The following PRH1 variants were observed in gnomAD, a reference collection of about 807,000 sequenced individuals.
PRH1 encodes salivary acidic proline-rich phosphoprotein 1/2.
A neutral mutation model predicts 7.9 loss-of-function variants in PRH1; 7 were observed. The ratio of observed to expected loss-of-function variants is 0.89; its 90% confidence interval spans 0.50 to 1.67. The LOEUF is 1.67. Ranked by LOEUF, PRH1 falls within the 40% of genes most tolerant of loss-of-function variation. PRH1 has a pLI of 0.00. For missense variants in PRH1, 109 were observed against 223.6 expected (o/e 0.49, Z 3.27); for synonymous variants, 45 against 80.8 (o/e 0.56, Z 2.38).
chr12:11,074,609 G>A (rs1257003864), intron 1 of PRH1, among the ~76,000 whole-genome samples: 1 of 115,714 alleles, frequency 8.6e-6, no homozygotes, highest in East Asian at 2.1e-4. Flanking sequence ...TAAGTAGAAA[G>A]TGGGAAACAT....
At chr12:10,966,785 A>G (rs887469817) in intron 2 of PRH1, among the ~76,000 whole-genome samples, 5 of 152,180 alleles carry the variant, frequency 3.3e-5, no homozygotes, top group African/African-American at 1.2e-4. Flanking sequence ...AGAAAAATAG[A>G]TAAGGAATGG....
At chr12:11,041,185 A>C (rs969287636) in intron 1 of PRH1, among the ~76,000 whole-genome samples, 2 of 151,526 alleles carry the variant, frequency 1.3e-5, no homozygotes, top group African/African-American at 2.4e-5. Context: ...CAAAACAAAA[A>C]AAAACTCCAA....
intron 1 of PRH1, among the ~76,000 whole-genome samples, chr12:11,164,542 T>A (rs1947515834): frequency 1.3e-5 from 2 of 152,226 alleles, no homozygotes; most frequent in Admixed American, 6.5e-5. Flanking sequence ...GCATAGAGGA[T>A]GCAAGTAGCT....
chr12:10,925,874 A>G (rs1055430963), intron 2 of PRH1, among the ~76,000 whole-genome samples: 3 of 152,194 alleles, frequency 2.0e-5, no homozygotes, highest in African/African-American at 7.2e-5. Flanking sequence ...TAATACCTTT[A>G]TAAGAACATT....
rs79582942 is a variant in PRH1 at position 11,056,873 on chromosome 12, C to T, written n.124-9685G>A. Among the ~76,000 whole-genome samples, 42 of 87,886 alleles carry T rather than the reference C, an allele frequency of 4.8e-4. No individual in the cohort carries two copies. The South Asian group carries it at 0.016, about 33-fold the overall frequency. 57.7% of individuals were successfully genotyped at this position (87,886 alleles called of 152,430 possible). A position where few individuals can be genotyped will look rare whatever the true frequency, so the allele number is the denominator to read the frequency against. Reference sequence around the variant, plus strand: ...AATAAATCTGTCTTTGGCTAGTTTTCTTATGAGTTAACATACTATTTGTAT... The same window carrying T: ...AATAAATCTGTCTTTGGCTAGTTTTTTTATGAGTTAACATACTATTTGTAT... On this transcript the variant is annotated intron_variant and non_coding_transcript_variant, in intron 1 of 4. Coordinates refer to the PRH1 transcript ENST00000541977.
At chr12:11,171,247 C>A in intron 1 of PRH1, 1 of 690,786 alleles carries the variant, frequency 1.4e-6, no homozygotes, top group Non-Finnish European at 2.0e-6. Context: ...GGGTGTGAGC[C>A]CGGGAGCCGC....
At chr12:11,091,282 A>G in intron 1 of PRH1, 3 of 1,183,020 alleles carry the variant, frequency 2.5e-6, no homozygotes, top group Middle Eastern at 3.8e-4. Context: ...GAAGATACAC[A>G]ATGCCCCTCT....
At chr12:10,962,839 G>T (rs11054086) in intron 2 of PRH1, among the ~76,000 whole-genome samples, 1 of 151,890 alleles carries the variant, frequency 6.6e-6, no homozygotes, top group African/African-American at 2.4e-5. Context: ...GCGCGATCTC[G>T]GCTCACTGCA....
chr12:10,894,758 A>G (rs1949620584), intron 2 of PRH1, among the ~76,000 whole-genome samples: 1 of 152,180 alleles, frequency 6.6e-6, no homozygotes, highest in Non-Finnish European at 1.5e-5. Context: ...TAATCTCCAT[A>G]TATGGTGCAA....
intron 2 of PRH1, among the ~76,000 whole-genome samples, chr12:10,957,230 G>A (rs1938011621): frequency 6.6e-6 from 1 of 151,954 alleles, no homozygotes; most frequent in Admixed American, 6.6e-5. Flanking sequence ...TAGACCAAGG[G>A]AACAGAATAG....
intron 1 of PRH1, among the ~76,000 whole-genome samples, chr12:11,099,047 T>C (rs983492518): frequency 1.3e-5 from 2 of 152,136 alleles, no homozygotes; most frequent in African/African-American, 2.4e-5. Flanking sequence ...ATATTTATTA[T>C]TATATAAAAT....
At chr12:11,170,917 A>G (rs61928642) in intron 1 of PRH1, among the ~76,000 whole-genome samples, 36,516 of 152,180 alleles carry the variant, frequency 0.24, 4,426 homozygotes, top group Non-Finnish European at 0.26. Context: ...TAATATTAAT[A>G]TTATGAAATC....
At chr12:11,078,024 T>C in intron 1 of PRH1, 1 of 703,694 alleles carries the variant, frequency 1.4e-6, no homozygotes, top group Non-Finnish European at 2.5e-6. Context: ...TATATAAAGC[T>C]GAATTAAACA....
Position 11,082,302 on chromosome 12 carries a change from G to A in PRH1, n.124-35114C>T, listed in dbSNP as rs1192027296. 1.8e-5 allele frequency among the ~76,000 whole-genome samples: 2 copies of A among 114,028 alleles called. 1 individual carries two copies. Among genetic ancestry groups the A allele is most frequent in the African/African-American group, 5.9e-5 (2 of 34,108 alleles). 74.8% of individuals were successfully genotyped at this position (114,028 alleles called of 152,430 possible). On this transcript the variant is annotated intron_variant and non_coding_transcript_variant, in intron 1 of 4. Coordinates refer to the PRH1 transcript ENST00000541977. ...GAGAACACTATTATTCTTCCTCATA[G>A]ATACACAATTTTTTTTTTCGAGATG...
intron 1 of PRH1, among the ~76,000 whole-genome samples, chr12:11,170,159 A>G (rs564757433): frequency 2.0e-5 from 3 of 152,336 alleles, no homozygotes; most frequent in Non-Finnish European, 2.9e-5. Flanking sequence ...AAAATGGGAG[A>G]TAAGTGAAGG....
intron 2 of PRH1, chr12:10,908,485 A>G (rs758842159): frequency 6.2e-7 from 1 of 1,613,964 alleles, no homozygotes; most frequent in South Asian, 1.1e-5. Flanking sequence ...GAAGGAGAGA[A>G]GACTCCAATC....
intron 1 of PRH1, among the ~76,000 whole-genome samples, chr12:11,022,927 T>G (rs1459152407): frequency 6.6e-6 from 1 of 152,206 alleles, no homozygotes; most frequent in Non-Finnish European, 1.5e-5. Flanking sequence ...GTTTTGCAAT[T>G]TTTTTCCTTG....
At chr12:11,069,292 T>C (rs1374331172) in intron 1 of PRH1, among the ~76,000 whole-genome samples, 2 of 152,104 alleles carry the variant, frequency 1.3e-5, no homozygotes, top group Non-Finnish European at 2.9e-5. Flanking sequence ...TGCCAAGATG[T>C]GTGAATAAAT....
At chr12:11,133,506 T>C (rs368085494) in intron 1 of PRH1, 31 of 1,614,038 alleles carry the variant, frequency 1.9e-5, no homozygotes, top group Non-Finnish European at 2.6e-5. Flanking sequence ...CAAACTGATA[T>C]GATCATGGAC....
Sources: gnomAD v4.1 joint callset for allele counts (sites outside exome capture counted in the v4.1 genomes callset) on GRCh38, gnomAD v4.1.1 for gene constraint, MANE v1.5 for transcripts, NCBI Gene and HGNC (gene_info 2026-07-23, HGNC 2026-07-21) for gene names.